The following TOP6BL variants were observed in gnomAD, a reference collection of about 807,000 sequenced individuals.
The protein encoded by TOP6BL is TOP6B like initiator of meiotic double strand breaks, also known as type 2 DNA topoisomerase 6 subunit B-like.
chr11:66,746,136 T>C, the TOP6BL span, among the ~76,000 whole-genome samples: 1 of 152,062 alleles, frequency 6.6e-6, no homozygotes, highest in Non-Finnish European at 1.5e-5. Flanking sequence ...ACAGAGGACG[T>C]GTGAAGGAAT....
the TOP6BL span, among the ~76,000 whole-genome samples, chr11:66,798,597 C>CAA: frequency 4.8e-3 from 204 of 42,422 alleles, no homozygotes; most frequent in Non-Finnish European, 5.3e-3. Flanking sequence ...GACTCTGTCT[C>CAA]AAAAAAAAAA....
the TOP6BL span, among the ~76,000 whole-genome samples, chr11:66,746,756 C>T: frequency 6.6e-6 from 1 of 151,598 alleles, no homozygotes; most frequent in Non-Finnish European, 1.5e-5. Context: ...GGCGGCTGCA[C>T]TTCCAGCTAC....
At chr11:66,826,544 C>T in the TOP6BL span, among the ~76,000 whole-genome samples, 1 of 152,142 alleles carries the variant, frequency 6.6e-6, no homozygotes, top group Non-Finnish European at 1.5e-5. Context: ...ATAGCTTCAA[C>T]TTTCTGGGTC....
chr11:66,804,374 G>C, the TOP6BL span, among the ~76,000 whole-genome samples: 2 of 152,214 alleles, frequency 1.3e-5, no homozygotes, highest in African/African-American at 4.8e-5. Flanking sequence ...ACTGTAAAAT[G>C]TGACACATGC....
chr11:66,783,738 T>C, the TOP6BL span, among the ~76,000 whole-genome samples: 1 of 152,208 alleles, frequency 6.6e-6, no homozygotes, highest in Non-Finnish European at 1.5e-5. Context: ...GTCTCTTGCC[T>C]TTTCTTTTAA....
the TOP6BL span, chr11:66,796,246 T>A: frequency 1.8e-4 from 262 of 1,425,084 alleles, 1 homozygote; most frequent in Non-Finnish European, 2.5e-4. Flanking sequence ...TGAGATTGTG[T>A]ATGTGTGGTA....
the TOP6BL span, chr11:66,758,092 C>T: frequency 2.1e-6 from 2 of 971,654 alleles, no homozygotes; most frequent in Non-Finnish European, 2.4e-6. Flanking sequence ...TTCTTAGATT[C>T]TGAACTATGA....
At chr11:66,821,689 G>A in the TOP6BL span, 1 of 1,612,370 alleles carries the variant, frequency 6.2e-7, no homozygotes, top group Non-Finnish European at 8.5e-7. Flanking sequence ...TCCTTGTGGA[G>A]AGCCACAGTG....
the TOP6BL span, among the ~76,000 whole-genome samples, chr11:66,752,855 G>A: frequency 2.6e-5 from 4 of 152,176 alleles, no homozygotes; most frequent in Admixed American, 6.6e-5. Context: ...TTGGCCAGGC[G>A]CGGTGGCTCA....
chr11:66,757,203 C>T, the TOP6BL span, among the ~76,000 whole-genome samples: 18 of 152,014 alleles, frequency 1.2e-4, no homozygotes, highest in Admixed American at 1.0e-3. Context: ...ATTAGTCGGG[C>T]GCGGTGGCGT....
At chr11:66,828,488 G>A in the TOP6BL span, 1 of 659,444 alleles carries the variant, frequency 1.5e-6, no homozygotes, top group Non-Finnish European at 2.6e-6. Flanking sequence ...TTTCAGCAAG[G>A]AAGTCTGTGA....
the TOP6BL span, among the ~76,000 whole-genome samples, chr11:66,788,828 A>G: frequency 3.0e-4 from 45 of 152,276 alleles, no homozygotes; most frequent in African/African-American, 1.1e-3. Flanking sequence ...ATAGCACACT[A>G]CAGACTTGAA....
At chr11:66,794,510 T>G in the TOP6BL span, among the ~76,000 whole-genome samples, 1 of 152,210 alleles carries the variant, frequency 6.6e-6, no homozygotes, top group African/African-American at 2.4e-5. Flanking sequence ...TTTATTTTCC[T>G]TCATTTTTAA....
the TOP6BL span, chr11:66,761,979 C>T: frequency 6.4e-7 from 1 of 1,568,050 alleles, no homozygotes; most frequent in African/African-American, 1.4e-5. Flanking sequence ...TTCCTCCTCA[C>T]CATCAAATGT....
At chr11:66,813,318 AT>A in the TOP6BL span, among the ~76,000 whole-genome samples, 4 of 152,214 alleles carry the variant, frequency 2.6e-5, no homozygotes, top group Non-Finnish European at 5.9e-5. Flanking sequence ...GGATGAATAA[AT>A]AAACTGTCTT....
At chr11:66,774,692 C>T in the TOP6BL span, among the ~76,000 whole-genome samples, 2 of 151,922 alleles carry the variant, frequency 1.3e-5, no homozygotes, top group East Asian at 1.9e-4. Flanking sequence ...AGGATGGTCT[C>T]GATCTCCTGA....
chr11:66,778,652 G>A, the TOP6BL span, among the ~76,000 whole-genome samples: 1 of 151,888 alleles, frequency 6.6e-6, no homozygotes. Flanking sequence ...CACAGAATTG[G>A]AAAAAACTAC....
the TOP6BL span, chr11:66,814,015 G>C: frequency 1.9e-6 from 3 of 1,610,926 alleles, no homozygotes; most frequent in Non-Finnish European, 1.7e-6. Context: ...TTTGGATAGA[G>C]GTATATCCTC....
chr11:66,751,888 C>T, the TOP6BL span, among the ~76,000 whole-genome samples: 990 of 152,176 alleles, frequency 6.5e-3, 8 homozygotes, highest in African/African-American at 0.022. Flanking sequence ...CTGTTTTTAT[C>T]ATCTAGTCAA....
Sources: gnomAD v4.1 joint callset for allele counts (sites outside exome capture counted in the v4.1 genomes callset) on GRCh38, gnomAD v4.1.1 for gene constraint, MANE v1.5 for transcripts, NCBI Gene and HGNC (gene_info 2026-07-23, HGNC 2026-07-21) for gene names.